ZZEF1: variants seen among roughly 807,000 people sequenced by gnomAD.
The protein encoded by ZZEF1 is zinc finger ZZ-type and EF-hand domain containing 1.
A neutral mutation model predicts 342.8 loss-of-function variants in ZZEF1; 157 were observed. That is an observed-to-expected ratio of 0.46 (90% CI 0.40 to 0.52). ZZEF1 has a LOEUF of 0.52. Among genes scored for constraint, ZZEF1 ranks in the 20% least tolerant of loss-of-function variants. ZZEF1 has a pLI of 0.00. For missense variants in ZZEF1, 3,480 were observed against 3,725.6 expected (o/e 0.93, Z 1.72); for synonymous variants, 1,505 against 1,429.1 (o/e 1.05, Z -1.20).
At chr17:4,079,246 C>T (rs2057678615) in intron 18 of ZZEF1, among the ~76,000 whole-genome samples, 2 of 152,186 alleles carry the variant, frequency 1.3e-5, no homozygotes, top group South Asian at 4.1e-4. Flanking sequence ...GGGGCAGAAT[C>T]GACTCCTATG....
At chr17:4,069,246 G>A (rs2057462705) in intron 26 of ZZEF1, among the ~76,000 whole-genome samples, 1 of 152,092 alleles carries the variant, frequency 6.6e-6, no homozygotes, top group Admixed American at 6.5e-5. Context: ...AGATTATCCA[G>A]CTTTCTTACT....
At chr17:4,049,658 C>G in intron 37 of ZZEF1, 50 bp downstream of exon 37, 8 of 1,608,632 alleles carry the variant, frequency 5.0e-6, no homozygotes, top group Non-Finnish European at 6.8e-6. Flanking sequence ...GTGAATGGCT[C>G]TCTCTAGAGT....
At position 4,087,836 on chromosome 17, in the gene ZZEF1, G is replaced by A. The variant is rs143709881; in HGVS notation, c.2242-302C>T. Among the ~76,000 whole-genome samples, 784 of 127,100 alleles carry A rather than the reference G, an allele frequency of 6.2e-3. 7 individuals are homozygous for A. Among genetic ancestry groups the A allele is most frequent in the African/African-American group, 0.024 (743 of 30,980 alleles). The allele number at this position is 127,100 out of a possible 152,430, so 83.4% of individuals were successfully genotyped here. The stretch of plus-strand genomic sequence containing the variant: ...CACACACACACACACATCCATGAAC[G>A]CTCCTGACTTCCTAACCCAGCACAT... On this transcript the variant is annotated intron_variant, in intron 13 of 54. Transcript: ENST00000381638.
At chr17:4,060,598 A>G (rs1041468371) in intron 30 of ZZEF1, among the ~76,000 whole-genome samples, 1 of 151,644 alleles carries the variant, frequency 6.6e-6, no homozygotes, top group Non-Finnish European at 1.5e-5. Context: ...CAAACAAAAA[A>G]AACACTCAAC....
Position 4,076,993 on chromosome 17 carries a change from C to T in ZZEF1, c.2990-4G>A, listed in dbSNP as rs1384082521. The T allele has an allele frequency of 6.2e-7, 1 of 1,609,630 alleles. No individual in the cohort carries two copies. Among genetic ancestry groups the T allele is most frequent in the Non-Finnish European group, 8.5e-7 (1 of 1,178,542 alleles). On this transcript the variant is annotated splice_polypyrimidine_tract_variant and splice_region_variant and intron_variant, in intron 19 of 54. Coordinates refer to ENST00000381638, the MANE Select transcript of ZZEF1 (RefSeq NM_015113.4). ...CTTGCCAGAAACTGGCCCACATCTA[C>T]CGAAACAAAGAAAATAATTAATATA... is the stretch of plus-strand genomic sequence containing the variant.
chr17:4,008,698 T>C lies in ZZEF1; in HGVS notation c.8805+185A>G. On this transcript the variant is annotated intron_variant, in intron 54 of 54. Transcript: ENST00000381638. This position sits in a 1 kb window ranked among gnomAD's most constrained non-coding sequence, Gnocchi z 4.2. ...CACAGTTTAGAGTGAATGACTCTGA[T>C]AAATGGGGCTCGTGCATGCTCTCTG... 1 of 1,371,454 alleles carries C rather than the reference T, an allele frequency of 7.3e-7. No homozygotes were observed. Among genetic ancestry groups the C allele is most frequent in the Admixed American group, 3.3e-5 (1 of 30,388 alleles). 85.0% of individuals were successfully genotyped at this position (1,371,454 alleles called of 1,614,324 possible). A position where few individuals can be genotyped will look rare whatever the true frequency, so the allele number is the denominator to read the frequency against.
chr17:4,013,719 T>C (rs2056028627), intron 51 of ZZEF1, 105 bp from the exon 52 acceptor site: 1 of 1,243,376 alleles, frequency 8.0e-7, no homozygotes, highest in African/African-American at 1.5e-5. Flanking sequence ...TTCTACATTT[T>C]ATAAACTGCT....
rs775961052 is a variant in ZZEF1 at position 4,070,756 on chromosome 17, G to C, written c.4003C>G (p.Gln1335Glu). 1.9e-6 allele frequency: 3 copies of C among 1,614,132 alleles called. No homozygotes were observed. The highest frequency in any genetic ancestry group is 1.1e-5 in the South Asian group (1 of 91,072). Residue 1335 changes from glutamine to glutamate, a missense_variant, in exon 26 of 55, where the codon CAA becomes GAA. Physicochemically the swap from Gln to Glu is conservative, Grantham distance 29 (BLOSUM62 2). This residue lies in a region of ZZEF1 where 1,528 missense variants were observed against 1,624.1 expected (regional missense o/e 0.94). Coordinates refer to ENST00000381638, the MANE Select transcript of ZZEF1 (RefSeq NM_015113.4). Reference protein sequence around the residue: ...TDIVAGSTIDQAVNATFAALV... With the variant: ...TDIVAGSTIDEAVNATFAALV... Reference sequence around the variant, plus strand: ...GCAGCAAAGGTGGCGTTCACAGCTTGATCAATAGTGGAACCAGCAACTATA... The same window carrying C: ...GCAGCAAAGGTGGCGTTCACAGCTTCATCAATAGTGGAACCAGCAACTATA...
Position 4,033,838 on chromosome 17 carries a change from C to A in ZZEF1, c.6584+177G>T, listed in dbSNP as rs1177948881. 3.8e-6 allele frequency: 3 copies of A among 790,410 alleles called. No homozygotes were observed. The Admixed American group carries it at 8.5e-5, about 22-fold the overall frequency. The allele number at this position is 790,410 out of a possible 1,614,324, so 49.0% of individuals were successfully genotyped here. ...GCTGTTTTAACGTTGGTGTTAAGCA[C>A]AGTTTTAATGTGGGTTGACAGCATT... is the stretch of plus-strand genomic sequence containing the variant. On this transcript the variant is annotated intron_variant, in intron 40 of 54. Coordinates refer to ENST00000381638, the MANE Select transcript of ZZEF1 (RefSeq NM_015113.4).
At chr17:4,047,988 A>C (rs938153698) in intron 37 of ZZEF1, among the ~76,000 whole-genome samples, 3 of 152,192 alleles carry the variant, frequency 2.0e-5, no homozygotes, top group Non-Finnish European at 2.9e-5. Flanking sequence ...AATTAAAAAA[A>C]ACCCATAAAA....
chr17:4,089,006 G>A, intron 12 of ZZEF1, 113 bp from the exon 13 acceptor site: 1 of 917,364 alleles, frequency 1.1e-6, no homozygotes, highest in Middle Eastern at 2.3e-4. Context: ...TAATTTATTA[G>A]GAAACATTAT....
chr17:4,134,932 C>CT (rs2058725044), intron 1 of ZZEF1, among the ~76,000 whole-genome samples: 2 of 152,210 alleles, frequency 1.3e-5, no homozygotes, highest in Admixed American at 6.5e-5. Context: ...AGACTGTCAG[C>CT]ATACATAAAG....
At position 4,134,344 on chromosome 17, in the gene ZZEF1, ATATATATT is replaced by A. The variant is rs1007465510; in HGVS notation, c.354+8190_354+8197del. ...AAAAAGAAAAAATATATATATATTT[ATATATATT>A]TATATATATATATTTATATAATATA... On this transcript the variant is annotated intron_variant, in intron 1 of 54. Transcript: ENST00000381638. Among the ~76,000 whole-genome samples the A allele has an allele frequency of 3.9e-4, 55 of 139,618 alleles. No homozygotes were observed. In the South Asian group the frequency reaches 4.9e-3, roughly 13 times the overall value. The allele number at this position is 139,618 out of a possible 152,430, so 91.6% of individuals were successfully genotyped here.
chr17:4,073,572 A>G (rs1373653803), intron 24 of ZZEF1, among the ~76,000 whole-genome samples: 1 of 152,178 alleles, frequency 6.6e-6, no homozygotes. Context: ...AGTAGCTGAG[A>G]CAAAAGGCAT....
Position 4,006,980 on chromosome 17 carries a change from GAA to G in ZZEF1, c.8806-12_8806-11del, listed in dbSNP as rs774115634. Reference sequence around the variant, plus strand: ...CAATGTTCTGCAGAGCCTGTAGAGGGAAAAAGAGTTGTCGCCAATGTCGGGAG... The same window carrying G: ...CAATGTTCTGCAGAGCCTGTAGAGGGAAAGAGTTGTCGCCAATGTCGGGAG... On this transcript the variant is annotated splice_polypyrimidine_tract_variant and intron_variant, in intron 54 of 54. Transcript: ENST00000381638. 15 of 1,576,886 alleles carry G rather than the reference GAA, an allele frequency of 9.5e-6. No homozygotes were observed. The African/African-American group carries it at 1.2e-4, about 13-fold the overall frequency.
intron 3 of ZZEF1, among the ~76,000 whole-genome samples, chr17:4,115,721 A>G (rs2058383266): frequency 1.3e-5 from 2 of 152,224 alleles, no homozygotes; most frequent in South Asian, 4.1e-4. Context: ...ATAATTGCCC[A>G]AGGGCAGAGT....
At chr17:4,064,072 G>GA (rs2057341345) in intron 29 of ZZEF1, among the ~76,000 whole-genome samples, 1 of 150,854 alleles carries the variant, frequency 6.6e-6, no homozygotes, top group African/African-American at 2.4e-5. Context: ...GAGGGGGGGG[G>GA]GTCTCACTAT....
intron 42 of ZZEF1, among the ~76,000 whole-genome samples, chr17:4,028,515 C>T (rs1431184642): frequency 6.7e-6 from 1 of 149,924 alleles, no homozygotes; most frequent in African/African-American, 2.5e-5. Context: ...CACCACTGCA[C>T]TCCAGCCTGG....
chr17:4,032,697 AAGGTGTAC>A, intron 41 of ZZEF1, 123 bp downstream of exon 41: 1 of 883,082 alleles, frequency 1.1e-6, no homozygotes. Flanking sequence ...CTACAAAAGC[AAGGTGTAC>A]AGGCAAAGGA....
Sources: gnomAD v4.1 joint callset for allele counts (sites outside exome capture counted in the v4.1 genomes callset) on GRCh38, gnomAD v4.1.1 for gene constraint, gnomAD v4.1.1 regional missense constraint, Gnocchi (gnomAD v3.1) non-coding constraint, MANE v1.5 for transcripts, NCBI Gene and HGNC (gene_info 2026-07-23, HGNC 2026-07-21) for gene names.